Variants in FYN observed in about 807,000 individuals in gnomAD.
FYN encodes the protein tyrosine-protein kinase Fyn.
FYN carries 10 observed loss-of-function variants against 70.2 expected under a neutral mutation model. The observed-to-expected ratio is 0.14, with a 90% confidence interval of 0.09 to 0.24. The LOEUF (loss-of-function observed/expected upper bound fraction) is 0.24. FYN is among the 10% of genes least tolerant of loss of function. The probability of loss-of-function intolerance (pLI) is 1.00; values close to 1 mark genes in which losing one functional copy is unlikely to be tolerated. For synonymous variants in FYN, 236 were observed against 248.6 expected (o/e 0.95, Z 0.48); for missense variants, 319 against 673.1 (o/e 0.47, Z 5.82).
At chr6:111,733,730 G>T (rs147351234) in intron 3 of FYN, among the ~76,000 whole-genome samples, 2 of 152,202 alleles carry the variant, frequency 1.3e-5, no homozygotes, top group Admixed American at 6.5e-5. Context: ...CTGCTGAGTA[G>T]CCCCGTGGCA....
At chr6:111,862,720 G>A (rs187576659) in intron 1 of FYN, among the ~76,000 whole-genome samples, 6 of 152,262 alleles carry the variant, frequency 3.9e-5, no homozygotes, top group African/African-American at 1.4e-4. Flanking sequence ...TCCAAACCCT[G>A]AATTTCTCAT....
chr6:111,729,048 A>G (rs1397546885), intron 3 of FYN, among the ~76,000 whole-genome samples: 1 of 152,220 alleles, frequency 6.6e-6, no homozygotes, highest in Non-Finnish European at 1.5e-5. Context: ...ACACATTAAA[A>G]AAATAAGTAT....
intron 2 of FYN, chr6:111,818,870 CTCTTGAG>C (rs966834818): frequency 1.3e-5 from 2 of 152,216 alleles, no homozygotes; most frequent in Non-Finnish European, 2.9e-5. Context: ...GTTACTTCTC[CTCTTGAG>C]TCCATCAGCT....
intron 2 of FYN, among the ~76,000 whole-genome samples, chr6:111,783,697 C>G (rs1340160735): frequency 6.6e-6 from 1 of 152,244 alleles, no homozygotes; most frequent in East Asian, 1.9e-4. Flanking sequence ...TAGTTCTCAT[C>G]TGCATGTGGT....
At chr6:111,851,616 G>A (rs1773688856) in intron 1 of FYN, among the ~76,000 whole-genome samples, 1 of 152,170 alleles carries the variant, frequency 6.6e-6, no homozygotes, top group Admixed American at 6.5e-5. Flanking sequence ...ATACAGAATT[G>A]TGGTCCACAG....
intron 13 of FYN, among the ~76,000 whole-genome samples, chr6:111,669,914 G>A (rs1032045587): frequency 1.3e-4 from 19 of 151,904 alleles, no homozygotes; most frequent in Non-Finnish European, 2.4e-4. Flanking sequence ...AGGTGTCATG[G>A]AGGCAAGCAG....
At chr6:111,700,050 T>G in intron 9 of FYN, 54 bp downstream of exon 9, 1 of 1,543,456 alleles carries the variant, frequency 6.5e-7, no homozygotes, top group Non-Finnish European at 8.9e-7. Context: ...TCTTTGGTGT[T>G]TGGGATCTTC....
chr6:111,816,213 C>T (rs1000401206), intron 2 of FYN, among the ~76,000 whole-genome samples: 5 of 151,792 alleles, frequency 3.3e-5, no homozygotes, highest in Non-Finnish European at 5.9e-5. Flanking sequence ...AAACAAAAGG[C>T]AATTAATCAA....
chr6:111,786,181 G>T (rs1771373185), intron 2 of FYN, among the ~76,000 whole-genome samples: 1 of 151,820 alleles, frequency 6.6e-6, no homozygotes, highest in African/African-American at 2.4e-5. Flanking sequence ...TTTACATTAG[G>T]TATATCTCCC....
intron 2 of FYN, among the ~76,000 whole-genome samples, chr6:111,842,141 G>A (rs1773379212): frequency 6.6e-6 from 1 of 152,112 alleles, no homozygotes. Flanking sequence ...ACTGAGGCTG[G>A]GTCACTCCGT....
At position 111,863,115 on chromosome 6, in the gene FYN, C is replaced by A. The variant is rs536458461; in HGVS notation, c.-123+9853G>T. Among the ~76,000 whole-genome samples the A allele has an allele frequency of 4.6e-5, 7 of 152,324 alleles. No individual in the cohort carries two copies. In the South Asian group the frequency reaches 1.4e-3, roughly 32 times the overall value. ...TTAGTAAAGGGACAGGATCCAAGAA[C>A]CAGTATCTACATTAGCCGGCACATC... On this transcript the variant is annotated intron_variant, in intron 1 of 13. Coordinates refer to ENST00000354650, the MANE Select transcript of FYN (RefSeq NM_002037.5).
chr6:111,846,929 C>A (rs976339630), intron 1 of FYN, among the ~76,000 whole-genome samples: 47 of 151,450 alleles, frequency 3.1e-4, no homozygotes, highest in African/African-American at 1.1e-3. Flanking sequence ...CACACACACA[C>A]ACAAACACAA....
chr6:111,865,575 A>G (rs954102005), intron 1 of FYN, among the ~76,000 whole-genome samples: 5 of 152,220 alleles, frequency 3.3e-5, no homozygotes, highest in African/African-American at 1.2e-4. Flanking sequence ...GTCCATTTGG[A>G]TAATACCATT....
At chr6:111,721,159 C>G (rs1364815283) in intron 3 of FYN, among the ~76,000 whole-genome samples, 1 of 152,180 alleles carries the variant, frequency 6.6e-6, no homozygotes, top group Non-Finnish European at 1.5e-5. Flanking sequence ...AGGCGTTCTC[C>G]GACTGCCCTG....
At chr6:111,807,927 G>A (rs1175647818) in intron 2 of FYN, among the ~76,000 whole-genome samples, 1 of 152,090 alleles carries the variant, frequency 6.6e-6, no homozygotes, top group Non-Finnish European at 1.5e-5. Flanking sequence ...GGTCAACATA[G>A]TGAAACCCCA....
At chr6:111,690,022 C>T (rs182110070) in intron 12 of FYN, among the ~76,000 whole-genome samples, 1 of 152,310 alleles carries the variant, frequency 6.6e-6, no homozygotes, top group East Asian at 1.9e-4. Context: ...CATTAGTCGG[C>T]ACTGAAAGCT....
chr6:111,863,458 CT>C (rs1214709463), intron 1 of FYN, among the ~76,000 whole-genome samples: 2 of 152,268 alleles, frequency 1.3e-5, no homozygotes, highest in East Asian at 1.9e-4. Context: ...GTTTATTTGC[CT>C]TTTCAGTAGA....
intron 2 of FYN, among the ~76,000 whole-genome samples, chr6:111,838,394 A>G (rs899404470): frequency 1.3e-5 from 2 of 152,208 alleles, no homozygotes; most frequent in African/African-American, 4.8e-5. Flanking sequence ...CCTTGATGTC[A>G]GCAAAGCACC....
intron 9 of FYN, chr6:111,699,768 C>T (rs1799746066): frequency 6.9e-6 from 8 of 1,159,680 alleles, no homozygotes; most frequent in Non-Finnish European, 9.7e-6. Flanking sequence ...GTTAGGATGA[C>T]ACTCAACAAA....
Sources: allele counts gnomAD v4.1 joint callset (sites outside exome capture counted in the v4.1 genomes callset), GRCh38; gene constraint gnomAD v4.1.1; transcripts MANE v1.5; gene names NCBI Gene and HGNC (gene_info 2026-07-23, HGNC 2026-07-21).